Variants in MAGEC1 observed in about 807,000 individuals in gnomAD.
MAGEC1 encodes the protein melanoma-associated antigen C1.
In MAGEC1, 3 loss-of-function variants were observed where a neutral mutation model predicts 1.5. That is an observed-to-expected ratio of 1.97 (90% CI 0.90 to 5.10). MAGEC1 has a LOEUF of 5.10. Ranked by LOEUF, MAGEC1 falls within the 30% of genes most tolerant of loss-of-function variation. MAGEC1 has a pLI of 0.02. For missense variants in MAGEC1, 985 were observed against 803.1 expected, an observed-to-expected ratio of 1.23 and a Z score of -2.74; for synonymous variants, 357 against 310.4, an observed-to-expected ratio of 1.15 and a Z score of -1.58.
In MAGEC1 at chrX:141,906,309, CT is replaced by C; in HGVS notation, c.906del (p.Leu303SerfsTer5). 1 of 1,081,614 alleles carries C rather than the reference CT, an allele frequency of 9.2e-7. No individual in the cohort carries two copies. Among genetic ancestry groups the C allele is most frequent in the Non-Finnish European group, 1.3e-6 (1 of 794,306 alleles). The allele number at this position is 1,081,614 out of a possible 1,213,427, so 89.1% of individuals were successfully genotyped here. A position where few individuals can be genotyped will look rare whatever the true frequency, so the allele number is the denominator to read the frequency against. On this transcript the variant is annotated frameshift_variant, in exon 4 of 4. Transcript: ENST00000285879. LOFTEE classifies it low-confidence loss of function (END_TRUNC). ...QSTFEGFPQS[P>X]LQIPVSSSSS... is the part of the protein sequence containing the mutation. ...ACTTTTGAGGGTTTTCCCCAGTCTC[CT>C]CTCCAGATTCCTGTGAGCTCCTCCT...
chrX:141,908,372 G>T lies in MAGEC1; in HGVS notation c.2968G>T (p.Asp990Tyr). 1 of 1,211,391 alleles carries T rather than the reference G, an allele frequency of 8.3e-7. No homozygotes were observed. The highest frequency in any genetic ancestry group is 1.1e-6 in the Non-Finnish European group (1 of 895,351). Residue 990 changes from aspartate (D) to tyrosine (Y), a missense_variant, in exon 4 of 4, where the codon GAT becomes TAT. Coordinates refer to ENST00000285879, the MANE Select transcript of MAGEC1 (RefSeq NM_005462.5). ...LDLTSEGCLSDEQGMSQNRLL... is the reference protein window; with the variant it reads ...LDLTSEGCLSYEQGMSQNRLL... Reference sequence around the variant, plus strand: ...CCTCACCTCTGAGGGGTGTCTGAGTGATGAGCAGGGCATGTCCCAGAACCG... The same window carrying T: ...CCTCACCTCTGAGGGGTGTCTGAGTTATGAGCAGGGCATGTCCCAGAACCG...
Position 141,907,994 on chromosome X carries a change from T to C in MAGEC1, c.2590T>C (p.Leu864=). 3 of 1,211,749 alleles carry C rather than the reference T, an allele frequency of 2.5e-6. No individual in the cohort carries two copies. The highest frequency in any genetic ancestry group is 3.4e-6 in the Non-Finnish European group (3 of 895,339). ...PVISFSSSTS[L]SPFSEESSSP... ...GATCTCCTTCTCCTCCTCCACTTCA[T>C]TGAGCCCATTCAGTGAAGAGTCCAG... Residue 864 remains leucine (L), a synonymous_variant, in exon 4 of 4, where the codon TTG becomes CTG. Transcript: ENST00000285879.
rs188004514 is a variant in MAGEC1, at chrX:141,908,362, G to C, written c.2958G>C (p.Gly986=). Residue 986 remains glycine, a synonymous_variant, in exon 4 of 4, where the codon GGG becomes GGC. Transcript: ENST00000285879. ...FVNTLDLTSE[G]CLSDEQGMSQ... is the part of the protein sequence containing the mutation. ...ACACATTAGACCTCACCTCTGAGGG[G>C]TGTCTGAGTGATGAGCAGGGCATGT... The C allele has an allele frequency of 2.8e-4, 333 of 1,209,394 alleles. No individual in the cohort carries two copies. The East Asian group carries it at 8.5e-3, about 31-fold the overall frequency.
chrX:141,907,697 A>G lies in MAGEC1; in HGVS notation c.2293A>G (p.Ser765Gly). 1 of 1,207,273 alleles carries G rather than the reference A, an allele frequency of 8.3e-7. No individual in the cohort carries two copies. The highest frequency in any genetic ancestry group is 1.1e-6 in the Non-Finnish European group (1 of 893,647). The change falls in exon 4 of 4, where the codon AGT becomes GGT. Residue 765 changes from serine to glycine, a missense_variant. By Grantham distance (56) the Ser-to-Gly change is moderately conservative. Transcript: ENST00000285879. ...CCAGAGTTTCCCTGAGAGTCCTCAG[A>G]GTCCTCCTGAGGGGCCTGCTCAGTC... ...LPQSFPESPQSPPEGPAQSPL... is the reference protein window; with the variant it reads ...LPQSFPESPQGPPEGPAQSPL...
Position 141,908,553 on chromosome X carries a change from A to G in MAGEC1, c.3149A>G (p.Gln1050Arg). The G allele has an allele frequency of 8.4e-7, 1 of 1,197,071 alleles. No homozygotes were observed. Among genetic ancestry groups the G allele is most frequent in the Non-Finnish European group, 1.1e-6 (1 of 887,885 alleles). The change falls in exon 4 of 4, where the codon CAG becomes CGG. Residue 1050 changes from glutamine to arginine, a missense_variant. By Grantham distance (43) the Gln-to-Arg change is conservative (BLOSUM62 1). Transcript: ENST00000285879. ...GAGCTCCTCACTAAAGTTTGGGTGC[A>G]GGAACATTACCTAGAGTACCGGGAG... The part of the protein sequence containing the change: ...PRELLTKVWV[Q>R]EHYLEYREVP...
rs141150813 is a variant in MAGEC1, at chrX:141,905,825, T to G, written c.421T>G (p.Leu141Val). ...PASSFFSSAL[L>V]SIFQSSPEST... ...GAGTTCCTTCTTCTCCTCTGCTTTA[T>G]TGAGTATTTTCCAGAGTTCCCCTGA... Residue 141 changes from leucine to valine, a missense_variant, in exon 4 of 4, where the codon TTG becomes GTG. By Grantham distance (32) the Leu-to-Val change is conservative (BLOSUM62 1). Transcript: ENST00000285879. 1.6e-4 allele frequency: 191 copies of G among 1,210,121 alleles called. No individual in the cohort carries two copies. Among genetic ancestry groups the G allele is most frequent in the Non-Finnish European group, 2.0e-4 (176 of 894,833 alleles).
chrX:141,907,765 A>G lies in MAGEC1; in HGVS notation c.2361A>G (p.Leu787=). ...RPVSSFFSYT[L]ASLLQSSHES... ...TCAGCTCCTTCTTCTCCTACACTTTAGCGAGTCTTCTCCAAAGTTCCCATG... is the reference window on the plus strand; with the variant it reads ...TCAGCTCCTTCTTCTCCTACACTTTGGCGAGTCTTCTCCAAAGTTCCCATG... Residue 787 remains leucine (L), a synonymous_variant, in exon 4 of 4, where the codon TTA becomes TTG. Transcript: ENST00000285879. 2 of 1,203,184 alleles carry G rather than the reference A, an allele frequency of 1.7e-6. No individual in the cohort carries two copies. The highest frequency in any genetic ancestry group is 2.2e-6 in the Non-Finnish European group (2 of 892,835).
At position 141,907,899 on chromosome X, in the gene MAGEC1, G is replaced by C; in HGVS notation, c.2495G>C (p.Ser832Thr). The change falls in exon 4 of 4, where the codon AGC (serine) becomes ACC (threonine). Residue 832 changes from serine (S) to threonine (T), a missense_variant. Transcript: ENST00000285879. ...AGTCTTTCCCAGAGTTCTCCTGTGA[G>C]CTCCTTCCCCTCCTCCACTTCATCG... ...SSSLSQSSPV[S>T]SFPSSTSSSL... 1 of 1,210,582 alleles carries C rather than the reference G, an allele frequency of 8.3e-7. No individual in the cohort carries two copies.
intron 2 of MAGEC1, 64 bp downstream of exon 2, chrX:141,904,878 C>A: frequency 1.8e-6 from 1 of 562,627 alleles, no homozygotes; most frequent in Non-Finnish European, 2.9e-6. Context: ...GACCTGGCAG[C>A]ACCCGGCCTG....
chrX:141,905,408 G>T lies in MAGEC1; in HGVS notation c.5-1G>T. ...CTCCTCTCTGCTTCTGCGTTCTCCA[G>T]GGGACAAGGATATGCCTACTGCTGG... is the stretch of plus-strand genomic sequence containing the variant. On this transcript the variant is annotated splice_acceptor_variant, in intron 3 of 3. Transcript: ENST00000285879. LOFTEE classifies it high-confidence loss of function. The T allele has an allele frequency of 4.1e-6, 5 of 1,205,196 alleles. No individual in the cohort carries two copies. Among genetic ancestry groups the T allele is most frequent in the Non-Finnish European group, 5.6e-6 (5 of 891,624 alleles).
intron 1 of MAGEC1, 127 bp downstream of exon 1, chrX:141,904,105 G>A (rs2018161517): frequency 1.8e-5 from 2 of 111,825 alleles, no homozygotes; most frequent in Non-Finnish European, 3.8e-5. Context: ...GCTGAGGGAC[G>A]TGTCCTCACG....
At position 141,908,346 on chromosome X, in the gene MAGEC1, A is replaced by T; in HGVS notation, c.2942A>T (p.Asp981Val). 1 of 1,210,907 alleles carries T rather than the reference A, an allele frequency of 8.3e-7. No homozygotes were observed. The highest frequency in any genetic ancestry group is 1.8e-5 in the South Asian group (1 of 56,921). ...TCCTATGTCTTTGTAAACACATTAG[A>T]CCTCACCTCTGAGGGGTGTCTGAGT... ...DDSYVFVNTL[D>V]LTSEGCLSDE... Residue 981 changes from aspartate to valine, a missense_variant, in exon 4 of 4, where the codon GAC (aspartate) becomes GTC (valine). By Grantham distance (152) the Asp-to-Val change is radical (BLOSUM62 -3). Transcript: ENST00000285879.
In MAGEC1 at chrX:141,905,887, TGTTCTC is replaced by T; in HGVS notation, c.484_489del (p.Val162_Leu163del). ...GTCCTTTTGAGGGTTTTCCCCAGTC[TGTTCTC>T]CAGATTCCTGTGAGCGCCGCCTCCT... On this transcript the variant is annotated inframe_deletion, in exon 4 of 4. Coordinates refer to ENST00000285879, the MANE Select transcript of MAGEC1 (RefSeq NM_005462.5). 6 of 1,198,759 alleles carry T rather than the reference TGTTCTC, an allele frequency of 5.0e-6. No homozygotes were observed. The highest frequency in any genetic ancestry group is 1.8e-5 in the South Asian group (1 of 55,191).
Position 141,906,600 on chromosome X carries a change from C to A in MAGEC1, c.1196C>A (p.Thr399Asn), listed in dbSNP as rs147478169. Residue 399 changes from threonine (T) to asparagine (N), a missense_variant, in exon 4 of 4, where the codon ACT becomes AAT. By Grantham distance (65) the Thr-to-Asn change is moderately conservative. Coordinates refer to ENST00000285879, the MANE Select transcript of MAGEC1 (RefSeq NM_005462.5). ...FQSSPERTHS[T>N]FEGFPQSPLQ... The stretch of plus-strand genomic sequence containing the variant: ...AGTTCCCCTGAGAGAACTCACAGTA[C>A]TTTTGAGGGTTTTCCCCAGTCTCCT... 6.9e-5 allele frequency: 82 copies of A among 1,194,631 alleles called. 1 individual carries two copies. The highest frequency in any genetic ancestry group is 8.8e-5 in the Non-Finnish European group (78 of 886,686).
rs750360700 is a variant in MAGEC1, at chrX:141,908,401, C to A, written c.2997C>A (p.Leu999=). The part of the protein sequence containing the change: ...SDEQGMSQNR[L]LILILSIIFI... Reference sequence around the variant, plus strand: ...AGCAGGGCATGTCCCAGAACCGCCTCCTGATTCTTATTCTGAGTATCATCT... The same window carrying A: ...AGCAGGGCATGTCCCAGAACCGCCTACTGATTCTTATTCTGAGTATCATCT... The change falls in exon 4 of 4, where the codon CTC becomes CTA. Residue 999 remains leucine (L), a synonymous_variant. Transcript: ENST00000285879. 7.4e-6 allele frequency: 9 copies of A among 1,209,291 alleles called. No individual in the cohort carries two copies. The South Asian group carries it at 1.6e-4, about 21-fold the overall frequency.
chrX:141,905,675 G>A lies in MAGEC1; in HGVS notation c.271G>A (p.Asp91Asn), dbSNP rs764222406. 1.7e-5 allele frequency: 21 copies of A among 1,208,971 alleles called. No homozygotes were observed. The highest frequency in any genetic ancestry group is 5.3e-5 in the African/African-American group (3 of 56,941). The change falls in exon 4 of 4, where the codon GAC (aspartate) becomes AAC (asparagine). Residue 91 changes from aspartate (D) to asparagine (N), a missense_variant. By Grantham distance (23) the Asp-to-Asn change is conservative. Transcript: ENST00000285879. ...QIPQSSPEGD[D>N]TQSPLQNSQS... is the part of the protein sequence containing the mutation. ...TCCCCAGAGTTCTCCTGAGGGCGAC[G>A]ACACCCAGTCTCCTCTCCAGAATTC...
At chrX:141,905,364 T>C (rs5953637) in intron 3 of MAGEC1, 45 bp from the exon 4 acceptor site, 231,296 of 1,129,208 alleles carry the variant, frequency 0.2, 18,303 homozygotes, top group African/African-American at 0.49. Flanking sequence ...TCCTCCTGTT[T>C]TTCTTTCTCA....
rs374065568 is a variant in MAGEC1, at chrX:141,907,995, T to C, written c.2591T>C (p.Leu864Ser). 8.3e-7 allele frequency: 1 copy of C among 1,209,727 alleles called. No individual in the cohort carries two copies. The highest frequency in any genetic ancestry group is 1.1e-6 in the Non-Finnish European group (1 of 894,917). ...ATCTCCTTCTCCTCCTCCACTTCAT[T>C]GAGCCCATTCAGTGAAGAGTCCAGC... The part of the protein sequence containing the change: ...PVISFSSSTS[L>S]SPFSEESSSP... Residue 864 changes from leucine (L) to serine (S), a missense_variant, in exon 4 of 4, where the codon TTG (leucine) becomes TCG (serine). Transcript: ENST00000285879.
chrX:141,908,870 G>A lies in MAGEC1; in HGVS notation c.*37G>A. Reference sequence around the variant, plus strand: ...GATTCTTCCCTCTGAGTTTGAAGGGGGCAGTCGAGTTTCTACGTGGTGGAG... The same window carrying A: ...GATTCTTCCCTCTGAGTTTGAAGGGAGCAGTCGAGTTTCTACGTGGTGGAG... On this transcript the variant is annotated 3_prime_UTR_variant, in exon 4 of 4. Coordinates refer to ENST00000285879, the MANE Select transcript of MAGEC1 (RefSeq NM_005462.5). 8.9e-7 allele frequency: 1 copy of A among 1,121,148 alleles called. No individual in the cohort carries two copies. The allele number at this position is 1,121,148 out of a possible 1,213,427, so 92.4% of individuals were successfully genotyped here.
Sources: gnomAD v4.1 joint callset for allele counts on GRCh38, gnomAD v4.1.1 for gene constraint, MANE v1.5 for transcripts, NCBI Gene and HGNC (gene_info 2026-07-23, HGNC 2026-07-21) for gene names.